ZCCHC7: variants seen among roughly 807,000 people sequenced by gnomAD.
The protein encoded by ZCCHC7 is zinc finger CCHC-type containing 7.
In ZCCHC7, 35 loss-of-function variants were observed where a neutral mutation model predicts 52.0. The observed-to-expected ratio is 0.67, with a 90% CI of 0.51 to 0.89. ZCCHC7 has a LOEUF of 0.89. Ranked by LOEUF, ZCCHC7 falls within the 40% of genes least tolerant of loss-of-function variation. The pLI, the probability that ZCCHC7 is intolerant of heterozygous loss-of-function variation, is 0.00. For missense variants in ZCCHC7, 574 were observed against 649.1 expected (o/e 0.88, Z 1.26); for synonymous variants, 217 against 221.5 (o/e 0.98, Z 0.18).
chr9:37,240,230 G>T (rs945287051), intron 2 of ZCCHC7, among the ~76,000 whole-genome samples: 1 of 151,846 alleles, frequency 6.6e-6, no homozygotes, highest in African/African-American at 2.4e-5. Context: ...ATTGGTGTTC[G>T]TTTTTTGTTC....
intron 2 of ZCCHC7, among the ~76,000 whole-genome samples, chr9:37,244,136 T>C (rs1034297240): frequency 6.6e-6 from 1 of 151,864 alleles, no homozygotes; most frequent in African/African-American, 2.4e-5. Flanking sequence ...CTTACTCTTT[T>C]TGCTTCTCAT....
rs1588476205 is a variant in ZCCHC7, at chr9:37,204,447, A to G, written c.610+77505A>G. Among the ~76,000 whole-genome samples, 10 of 152,296 alleles carry G rather than the reference A, an allele frequency of 6.6e-5. 1 individual carries two copies. The South Asian group carries it at 2.1e-3, about 32-fold the overall frequency. ...GGGTTTTTATGGTTTTGTGTTTTAC[A>G]TTTAAGTCTTTAATCCATCTTGAGT... On this transcript the variant is annotated intron_variant, in intron 2 of 8. Transcript: ENST00000336755.
Position 37,122,193 on chromosome 9 carries a change from A to G in ZCCHC7, c.-22+1570A>G, listed in dbSNP as rs576319028. On this transcript the variant is annotated intron_variant, in intron 1 of 8. Coordinates refer to ENST00000336755, the MANE Select transcript of ZCCHC7 (RefSeq NM_032226.3). ...TGACCAGTAGGTAGACTGTGAGAGC[A>G]GAAGGATTGATTAAAGACTGTGTTA... is the stretch of plus-strand genomic sequence containing the variant. Among the ~76,000 whole-genome samples the G allele has an allele frequency of 5.9e-5, 9 of 152,378 alleles. No homozygotes were observed. In the East Asian group the frequency reaches 1.5e-3, roughly 26 times the overall value.
At chr9:37,336,888 T>C (rs1830689566) in intron 6 of ZCCHC7, among the ~76,000 whole-genome samples, 2 of 152,286 alleles carry the variant, frequency 1.3e-5, no homozygotes, top group African/African-American at 2.4e-5. Context: ...ATGTACTAAA[T>C]GGTTTCTTTG....
chr9:37,303,565 G>A (rs1427033473), intron 3 of ZCCHC7, among the ~76,000 whole-genome samples: 1 of 150,672 alleles, frequency 6.6e-6, no homozygotes, highest in African/African-American at 2.4e-5. Context: ...AAAATCACAT[G>A]GAGAAGTATA....
intron 5 of ZCCHC7, among the ~76,000 whole-genome samples, chr9:37,316,709 T>C (rs1396942520): frequency 6.6e-6 from 1 of 152,128 alleles, no homozygotes; most frequent in African/African-American, 2.4e-5. Flanking sequence ...TTAAAACAGC[T>C]CTTCACAGGT....
At chr9:37,231,068 C>T (rs1030054803) in intron 2 of ZCCHC7, among the ~76,000 whole-genome samples, 2 of 152,194 alleles carry the variant, frequency 1.3e-5, no homozygotes, top group African/African-American at 4.8e-5. Context: ...GTCAGCCTCC[C>T]CAGCAGTTGG....
At chr9:37,169,886 C>CTCTACA (rs1821634666) in intron 2 of ZCCHC7, among the ~76,000 whole-genome samples, 4 of 151,804 alleles carry the variant, frequency 2.6e-5, no homozygotes, top group African/African-American at 7.3e-5. Context: ...GGTAACATGG[C>CTCTACA]GAAACCATGT....
chr9:37,293,754 T>C (rs905008492), intron 2 of ZCCHC7, among the ~76,000 whole-genome samples: 1 of 152,198 alleles, frequency 6.6e-6, no homozygotes, highest in Non-Finnish European at 1.5e-5. Context: ...GGTGGTTCAC[T>C]GACTGAACGT....
chr9:37,221,960 C>CA (rs1051132735), intron 2 of ZCCHC7, among the ~76,000 whole-genome samples: 5 of 149,568 alleles, frequency 3.3e-5, no homozygotes, highest in African/African-American at 1.2e-4. Context: ...TTTTCAATAG[C>CA]AAAAAAAACA....
chr9:37,193,620 A>T (rs928239409), intron 2 of ZCCHC7, among the ~76,000 whole-genome samples: 15 of 147,212 alleles, frequency 1.0e-4, no homozygotes, highest in African/African-American at 2.5e-4. Context: ...GTAGCCTTTT[A>T]AAAAAAAAAA....
chr9:37,178,828 T>C (rs1822197135), intron 2 of ZCCHC7, among the ~76,000 whole-genome samples: 1 of 152,226 alleles, frequency 6.6e-6, no homozygotes, highest in Non-Finnish European at 1.5e-5. Flanking sequence ...TTGCTAACTC[T>C]AGGTGACTAA....
intron 2 of ZCCHC7, among the ~76,000 whole-genome samples, chr9:37,264,655 G>A (rs1185838058): frequency 2.6e-5 from 4 of 152,064 alleles, no homozygotes; most frequent in Non-Finnish European, 4.4e-5. Flanking sequence ...TTTATTTTAC[G>A]AGTTTTCTTG....
intron 2 of ZCCHC7, among the ~76,000 whole-genome samples, chr9:37,269,639 AAAAAAAAC>A (rs1472060263): frequency 3.2e-4 from 47 of 146,440 alleles, no homozygotes; most frequent in African/African-American, 1.0e-3. Flanking sequence ...AAAAAAAAAA[AAAAAAAAC>A]AAAAGAAGTT....
chr9:37,271,201 C>T (rs1827393590), intron 2 of ZCCHC7, among the ~76,000 whole-genome samples: 1 of 152,172 alleles, frequency 6.6e-6, no homozygotes. Flanking sequence ...AAAAAATGAT[C>T]TAATCTACAT....
chr9:37,129,109 G>GA (rs892186840), intron 2 of ZCCHC7, among the ~76,000 whole-genome samples: 9 of 151,742 alleles, frequency 5.9e-5, no homozygotes, highest in Non-Finnish European at 1.0e-4. Context: ...TTGATAACTT[G>GA]AAAAAAAAGC....
intron 6 of ZCCHC7, among the ~76,000 whole-genome samples, chr9:37,329,249 T>A (rs942133035): frequency 2.0e-5 from 3 of 151,806 alleles, no homozygotes; most frequent in African/African-American, 7.2e-5. Context: ...AGCTGCTCTT[T>A]TGATTATTTA....
At chr9:37,154,664 T>G (rs1473582315) in intron 2 of ZCCHC7, among the ~76,000 whole-genome samples, 2 of 129,738 alleles carry the variant, frequency 1.5e-5, no homozygotes, top group African/African-American at 2.9e-5. Context: ...CTGTTTTTTG[T>G]TTTTTTTTTA....
intron 5 of ZCCHC7, among the ~76,000 whole-genome samples, chr9:37,317,095 A>G (rs1320747109): frequency 2.0e-5 from 3 of 152,186 alleles, no homozygotes; most frequent in African/African-American, 7.2e-5. Context: ...ATTATGGACA[A>G]AATAGTTCAC....
Sources: allele counts gnomAD v4.1 joint callset (sites outside exome capture counted in the v4.1 genomes callset), GRCh38; gene constraint gnomAD v4.1.1; transcripts MANE v1.5; gene names NCBI Gene and HGNC (gene_info 2026-07-23, HGNC 2026-07-21).